The following PTPRO variants were observed in gnomAD, a reference collection of about 807,000 sequenced individuals.
PTPRO encodes the protein receptor-type tyrosine-protein phosphatase O.
Under a neutral mutation model 145.2 loss-of-function variants are expected in PTPRO, and 62 were observed. The ratio of observed to expected loss-of-function variants is 0.43; its 90% confidence interval spans 0.35 to 0.53. PTPRO has a LOEUF of 0.53. PTPRO is among the 20% of genes least tolerant of loss of function. The pLI is 0.01. For synonymous variants in PTPRO, 565 were observed against 514.7 expected, an observed-to-expected ratio of 1.10 and a Z score of -1.32; for missense variants, 1,345 against 1,482.7, an observed-to-expected ratio of 0.91 and a Z score of 1.53.
At chr12:15,561,249 A>G (rs753513745) in intron 17 of PTPRO, among the ~76,000 whole-genome samples, 8 of 152,118 alleles carry the variant, frequency 5.3e-5, no homozygotes, top group Admixed American at 1.3e-4. Flanking sequence ...TGGAAAAAAA[A>G]TAGCTTATGG....
chr12:15,453,553 A>T (rs1326205701), intron 1 of PTPRO, among the ~76,000 whole-genome samples: 3 of 152,194 alleles, frequency 2.0e-5, no homozygotes, highest in African/African-American at 7.2e-5. Flanking sequence ...TAGCAAGCAT[A>T]ATCTAGCAAA....
At chr12:15,346,379 C>T (rs1867212504) in intron 1 of PTPRO, 1 of 152,166 alleles carries the variant, frequency 6.6e-6, no homozygotes, top group South Asian at 2.1e-4. Context: ...CATTGCATCC[C>T]CAGGTTGGGT....
rs562971694 is a variant in PTPRO at position 15,487,208 on chromosome 12, T to A, written c.349+2961T>A. Among the ~76,000 whole-genome samples the A allele has an allele frequency of 1.1e-4, 17 of 152,278 alleles. 1 individual carries two copies. Among genetic ancestry groups the A allele is most frequent in the African/African-American group, 4.1e-4 (17 of 41,562 alleles). On this transcript the variant is annotated intron_variant, in intron 2 of 26. Coordinates refer to ENST00000281171, the MANE Select transcript of PTPRO (RefSeq NM_030667.3). The stretch of plus-strand genomic sequence containing the variant: ...CTTAGGCAGACCCTGTGATGTTAGA[T>A]GGGACATTCTTGACATTTTTACCCC...
At chr12:15,351,075 C>T (rs972192988) in intron 1 of PTPRO, among the ~76,000 whole-genome samples, 5 of 151,972 alleles carry the variant, frequency 3.3e-5, no homozygotes, top group Admixed American at 6.6e-5. Flanking sequence ...AACTGTATGG[C>T]GGACTTGGAG....
chr12:15,556,648 T>G (rs1308749486), intron 15 of PTPRO, among the ~76,000 whole-genome samples: 2 of 152,118 alleles, frequency 1.3e-5, no homozygotes, highest in Admixed American at 6.5e-5. Flanking sequence ...AATACGGGCA[T>G]CACAATATAA....
In PTPRO at chr12:15,448,941, T is replaced by A. The variant is rs61908035; in HGVS notation, c.76-35033T>A. On this transcript the variant is annotated intron_variant, in intron 1 of 26. Transcript: ENST00000281171. ...AGGACAAATACTATATGGACTTACT[T>A]GTATGTGGAATCTGAAAAAAAAGGT... is the stretch of plus-strand genomic sequence containing the variant. Among the ~76,000 whole-genome samples the A allele has an allele frequency of 1.4e-3, 219 of 152,144 alleles. 1 individual carries two copies. Among genetic ancestry groups the A allele is most frequent in the Non-Finnish European group, 2.3e-3 (158 of 67,980 alleles).
intron 1 of PTPRO, among the ~76,000 whole-genome samples, chr12:15,429,242 G>T (rs1940367549): frequency 1.3e-5 from 2 of 152,280 alleles, no homozygotes; most frequent in Admixed American, 6.5e-5. Context: ...AACACACTTG[G>T]TCTCTGTGCT....
intron 1 of PTPRO, among the ~76,000 whole-genome samples, chr12:15,384,691 G>A (rs1938966755): frequency 6.6e-6 from 1 of 152,110 alleles, no homozygotes; most frequent in South Asian, 2.1e-4. Flanking sequence ...AATTTGAGAG[G>A]AACACAATTT....
rs1351996205 is a variant in PTPRO at position 15,508,762 on chromosome 12, A to G, written c.1459A>G (p.Thr487Ala). 1.9e-6 allele frequency: 3 copies of G among 1,614,026 alleles called. No homozygotes were observed. Among genetic ancestry groups the G allele is most frequent in the Non-Finnish European group, 2.5e-6 (3 of 1,179,952 alleles). Reference protein sequence around the residue: ...ESQRLEKQYCTQVNSSKPIIE... With the variant: ...ESQRLEKQYCAQVNSSKPIIE... ...CCAGAGGCTTGAAAAGCAGTACTGC[A>G]CTCAGGTAAAGGAGAGGAAATGAGA... The change falls in exon 7 of 27, where the codon ACT becomes GCT. Residue 487 changes from threonine to alanine, a missense_variant. Thr to Ala is a moderately conservative substitution (Grantham distance 58). This residue lies in a region of PTPRO where 1,130 missense variants were observed against 1,214.7 expected (regional missense o/e 0.93). Coordinates refer to ENST00000281171, the MANE Select transcript of PTPRO (RefSeq NM_030667.3).
chr12:15,446,134 A>G (rs1277806501), intron 1 of PTPRO, among the ~76,000 whole-genome samples: 2 of 152,106 alleles, frequency 1.3e-5, no homozygotes, highest in Non-Finnish European at 2.9e-5. Context: ...ATGTTATTCT[A>G]TTGTTCAATT....
Position 15,328,869 on chromosome 12 carries a change from G to A in PTPRO, c.75+6068G>A, listed in dbSNP as rs74071116. On this transcript the variant is annotated intron_variant, in intron 1 of 26. Coordinates refer to ENST00000281171, the MANE Select transcript of PTPRO (RefSeq NM_030667.3). Reference sequence around the variant, plus strand: ...AAACTAAATAAACCTATTTTTAAATGTGATTTTTGGTATATTTACTAGCAA... The same window carrying A: ...AAACTAAATAAACCTATTTTTAAATATGATTTTTGGTATATTTACTAGCAA... 6.7e-3 allele frequency among the ~76,000 whole-genome samples: 1,021 copies of A among 152,138 alleles called. 11 individuals carry two copies. Among genetic ancestry groups the A allele is most frequent in the African/African-American group, 0.023 (960 of 41,504 alleles).
chr12:15,404,688 A>G (rs933969314), intron 1 of PTPRO, among the ~76,000 whole-genome samples: 11 of 152,340 alleles, frequency 7.2e-5, no homozygotes, highest in African/African-American at 1.9e-4. Context: ...AAAAAACCTT[A>G]CAAATGACTC....
chr12:15,585,714 C>T (rs140117501), intron 23 of PTPRO, among the ~76,000 whole-genome samples: 83 of 152,276 alleles, frequency 5.5e-4, no homozygotes, highest in Non-Finnish European at 9.6e-4. Flanking sequence ...ATTCCAGCCT[C>T]TGAGTGAATT....
At chr12:15,403,175 T>C (rs1249698854) in intron 1 of PTPRO, among the ~76,000 whole-genome samples, 1 of 152,170 alleles carries the variant, frequency 6.6e-6, no homozygotes, top group Non-Finnish European at 1.5e-5. Flanking sequence ...ATCTGGCTTG[T>C]TGCCACCTTG....
At chr12:15,490,438 A>G (rs1941976879) in intron 2 of PTPRO, among the ~76,000 whole-genome samples, 1 of 152,248 alleles carries the variant, frequency 6.6e-6, no homozygotes, top group African/African-American at 2.4e-5. Flanking sequence ...CTATATTATA[A>G]TTAAACTTTA....
chr12:15,524,895 C>T lies in PTPRO; in HGVS notation c.1973C>T (p.Thr658Met), dbSNP rs150159022. The change falls in exon 11 of 27, where the codon ACG becomes ATG. Residue 658 changes from threonine (T) to methionine (M), a missense_variant. Physicochemically the swap from Thr to Met is moderately conservative, Grantham distance 81. Transcript: ENST00000281171. ...YISWTYGDDT[T>M]DLSHSRMLHW... The stretch of plus-strand genomic sequence containing the variant: ...AGTTGGACATATGGGGATGATACAA[C>T]GGACTTGTCCCATTCTAGAATGCTT... 2.4e-4 allele frequency: 387 copies of T among 1,613,658 alleles called. 1 individual carries two copies. The highest frequency in any genetic ancestry group is 8.5e-4 in the South Asian group (77 of 91,070).
At chr12:15,578,808 C>T (rs1341861896) in intron 19 of PTPRO, 45 bp from the exon 20 acceptor site, 3 of 1,417,178 alleles carry the variant, frequency 2.1e-6, no homozygotes, top group Non-Finnish European at 3.0e-6. Context: ...TAATCCAATT[C>T]ACACCACGTA....
intron 1 of PTPRO, among the ~76,000 whole-genome samples, chr12:15,325,499 T>C (rs552129583): frequency 1.3e-5 from 2 of 152,306 alleles, no homozygotes; most frequent in Non-Finnish European, 2.9e-5. Flanking sequence ...CTAAACACAA[T>C]GTTGGTTATG....
At chr12:15,341,552 A>G (rs1343541264) in intron 1 of PTPRO, among the ~76,000 whole-genome samples, 1 of 152,240 alleles carries the variant, frequency 6.6e-6, no homozygotes, top group Non-Finnish European at 1.5e-5. Context: ...TCAGCATTTC[A>G]TATTTAGCTC....
Sources: allele counts gnomAD v4.1 joint callset (sites outside exome capture counted in the v4.1 genomes callset), GRCh38; gene constraint gnomAD v4.1.1; regional missense constraint gnomAD v4.1.1; transcripts MANE v1.5; gene names NCBI Gene and HGNC (gene_info 2026-07-23, HGNC 2026-07-21).